Variants in UNC5D observed in about 807,000 individuals in gnomAD.
UNC5D encodes the protein netrin receptor UNC5D.
In UNC5D, 39 loss-of-function variants were observed where a neutral mutation model predicts 105.4. The observed-to-expected ratio is 0.37, with a 90% CI of 0.29 to 0.48. The LOEUF (loss-of-function observed/expected upper bound fraction) is 0.48, where lower values mean the gene tolerates loss of function less well. Among genes scored for constraint, UNC5D ranks in the 20% least tolerant of loss-of-function variants. UNC5D has a pLI of 0.98. For synonymous variants in UNC5D, 452 were observed against 450.4 expected (o/e 1.00, Z -0.04); for missense variants, 991 against 1,202.4 (o/e 0.82, Z 2.60).
intron 4 of UNC5D, among the ~76,000 whole-genome samples, chr8:35,678,154 T>G (rs1397157025): frequency 6.6e-6 from 1 of 152,108 alleles, no homozygotes; most frequent in Non-Finnish European, 1.5e-5. Flanking sequence ...TAGCACAAGT[T>G]GTGCACCAAG....
At chr8:35,439,918 T>C (rs1318237406) in intron 1 of UNC5D, among the ~76,000 whole-genome samples, 1 of 152,058 alleles carries the variant, frequency 6.6e-6, no homozygotes, top group Non-Finnish European at 1.5e-5. Flanking sequence ...TATTTCACTT[T>C]TAAAGGTAAA....
chr8:35,285,112 A>G (rs750111491), intron 1 of UNC5D, among the ~76,000 whole-genome samples: 43 of 152,200 alleles, frequency 2.8e-4, no homozygotes, highest in Admixed American at 1.3e-4. Flanking sequence ...CTGTTATACA[A>G]TACCACAAAT....
chr8:35,750,496 G>T, intron 12 of UNC5D, 86 bp from the exon 13 acceptor site: 3 of 1,352,176 alleles, frequency 2.2e-6, no homozygotes, highest in Non-Finnish European at 3.2e-6. Context: ...TTATATTTGT[G>T]TGTTTATTTA....
chr8:35,488,890 T>C (rs1347201576), intron 1 of UNC5D, among the ~76,000 whole-genome samples: 1 of 152,150 alleles, frequency 6.6e-6, no homozygotes, highest in East Asian at 1.9e-4. Flanking sequence ...TTGGAGTTGA[T>C]GATGGAATGA....
intron 1 of UNC5D, among the ~76,000 whole-genome samples, chr8:35,523,644 TA>T (rs796843418): frequency 1.0e-3 from 134 of 131,564 alleles, no homozygotes; most frequent in African/African-American, 1.4e-3. Flanking sequence ...TAAATAATAC[TA>T]AAAAAAAAAT....
chr8:35,764,134 C>T (rs779348274), intron 14 of UNC5D, among the ~76,000 whole-genome samples: 1 of 152,026 alleles, frequency 6.6e-6, no homozygotes, highest in Non-Finnish European at 1.5e-5. Flanking sequence ...CAGAGTTAGC[C>T]ATAATGGAAG....
chr8:35,308,679 C>G (rs989927287), intron 1 of UNC5D, among the ~76,000 whole-genome samples: 1 of 151,970 alleles, frequency 6.6e-6, no homozygotes, highest in Non-Finnish European at 1.5e-5. Context: ...ATGCATGGTC[C>G]ATGTTTATAC....
At chr8:35,699,942 T>C (rs966869) in intron 7 of UNC5D, among the ~76,000 whole-genome samples, 8,014 of 152,296 alleles carry the variant, frequency 0.053, 423 homozygotes, top group African/African-American at 0.11. Context: ...AGTTTTAGGA[T>C]GTATACAAGA....
At chr8:35,252,764 T>A (rs967939829) in intron 1 of UNC5D, among the ~76,000 whole-genome samples, 1 of 152,198 alleles carries the variant, frequency 6.6e-6, no homozygotes. Context: ...AGTGTTTTTT[T>A]ATATATGTGA....
intron 1 of UNC5D, among the ~76,000 whole-genome samples, chr8:35,367,486 T>C (rs921764444): frequency 1.3e-5 from 2 of 152,184 alleles, no homozygotes; most frequent in African/African-American, 4.8e-5. Flanking sequence ...AGTGTGTTGA[T>C]GGCAGATGTG....
At chr8:35,679,571 AC>A (rs962590033) in intron 4 of UNC5D, among the ~76,000 whole-genome samples, 1 of 152,038 alleles carries the variant, frequency 6.6e-6, no homozygotes, top group Non-Finnish European at 1.5e-5. Context: ...GGGTGCTAGA[AC>A]CCCCATAAGG....
At chr8:35,503,611 T>A (rs1358925844) in intron 1 of UNC5D, among the ~76,000 whole-genome samples, 4 of 152,200 alleles carry the variant, frequency 2.6e-5, no homozygotes, top group Non-Finnish European at 5.9e-5. Context: ...AATATTTCAC[T>A]CTGTTTTATT....
At chr8:35,413,292 T>TGTGTTGTG (rs56157732) in intron 1 of UNC5D, among the ~76,000 whole-genome samples, 5,352 of 127,928 alleles carry the variant, frequency 0.042, 139 homozygotes, top group African/African-American at 0.066. Context: ...TGTGTGTGTG[T>TGTGTTGTG]TGTGTGTGTG....
At chr8:35,307,300 C>A (rs966808059) in intron 1 of UNC5D, among the ~76,000 whole-genome samples, 1 of 152,138 alleles carries the variant, frequency 6.6e-6, no homozygotes, top group Admixed American at 6.6e-5. Flanking sequence ...TCAATAATGT[C>A]TTTGTAGTGA....
chr8:35,420,995 G>A (rs1306425323), intron 1 of UNC5D, among the ~76,000 whole-genome samples: 1 of 152,066 alleles, frequency 6.6e-6, no homozygotes, highest in Non-Finnish European at 1.5e-5. Context: ...ACTGATCCCA[G>A]GCTAAATGGT....
intron 1 of UNC5D, among the ~76,000 whole-genome samples, chr8:35,538,078 T>A (rs1164546269): frequency 6.6e-6 from 1 of 152,004 alleles, no homozygotes; most frequent in African/African-American, 2.4e-5. Flanking sequence ...TACAAAGTAT[T>A]ATGGAAGAAC....
chr8:35,698,875 T>C (rs1461284186), intron 7 of UNC5D, among the ~76,000 whole-genome samples: 1 of 152,146 alleles, frequency 6.6e-6, no homozygotes, highest in Non-Finnish European at 1.5e-5. Flanking sequence ...ATCTGGACTT[T>C]TTGTTCCATT....
chr8:35,702,864 C>T (rs1348191409), intron 7 of UNC5D, among the ~76,000 whole-genome samples: 1 of 152,098 alleles, frequency 6.6e-6, no homozygotes, highest in East Asian at 1.9e-4. Context: ...GGAGGATACA[C>T]ACTGATACAG....
chr8:35,343,138 C>T (rs1472858783), intron 1 of UNC5D, among the ~76,000 whole-genome samples: 1 of 152,042 alleles, frequency 6.6e-6, no homozygotes, highest in African/African-American at 2.4e-5. Flanking sequence ...GGGGACTTTA[C>T]TTGGAGAATC....
Sources: gnomAD v4.1 joint callset for allele counts (sites outside exome capture counted in the v4.1 genomes callset) on GRCh38, gnomAD v4.1.1 for gene constraint, MANE v1.5 for transcripts, NCBI Gene and HGNC (gene_info 2026-07-23, HGNC 2026-07-21) for gene names.